The following ZNF385B variants were observed in gnomAD, a reference collection of about 807,000 sequenced individuals.
ZNF385B encodes zinc finger protein 385B.
ZNF385B carries 23 observed loss-of-function variants against 39.2 expected under a neutral mutation model. The ratio of observed to expected loss-of-function variants is 0.59; its 90% CI spans 0.42 to 0.83. The LOEUF is 0.83. ZNF385B is among the 40% of genes least tolerant of loss of function. ZNF385B has a pLI of 0.00. For missense variants in ZNF385B, 552 were observed against 598.9 expected (o/e 0.92, Z 0.82); for synonymous variants, 205 against 222.6 (o/e 0.92, Z 0.70).
intron 3 of ZNF385B, among the ~76,000 whole-genome samples, chr2:179,701,649 T>A (rs892053628): frequency 3.9e-5 from 6 of 152,222 alleles, no homozygotes; most frequent in Admixed American, 1.3e-4. Context: ...CATCATTTTT[T>A]AAATATTCTA....
At chr2:179,586,797 G>A (rs1293058269) in intron 3 of ZNF385B, among the ~76,000 whole-genome samples, 1 of 152,198 alleles carries the variant, frequency 6.6e-6, no homozygotes, top group African/African-American at 2.4e-5. Context: ...CCAGCACTCT[G>A]GGAGGCCGAG....
chr2:179,446,428 C>A, intron 7 of ZNF385B, 97 bp downstream of exon 7: 1 of 1,471,398 alleles, frequency 6.8e-7, no homozygotes, highest in Non-Finnish European at 9.1e-7. Context: ...AAGCATGGAA[C>A]AAACCTAAGG....
chr2:179,501,132 C>T (rs1337531927), intron 5 of ZNF385B, among the ~76,000 whole-genome samples: 2 of 152,114 alleles, frequency 1.3e-5, no homozygotes, highest in Non-Finnish European at 2.9e-5. Context: ...CCCTTGTGCA[C>T]TATTGGTGGG....
intron 5 of ZNF385B, among the ~76,000 whole-genome samples, chr2:179,511,613 A>C (rs907118721): frequency 2.0e-5 from 3 of 152,192 alleles, no homozygotes; most frequent in Non-Finnish European, 4.4e-5. Context: ...CAGTTTCTGA[A>C]ATCTTATAGA....
chr2:179,810,444 T>C (rs1402537529), intron 1 of ZNF385B, among the ~76,000 whole-genome samples: 2 of 152,092 alleles, frequency 1.3e-5, no homozygotes, highest in East Asian at 3.9e-4. Context: ...ATTTTTTTAG[T>C]ATGTGTTTAT....
At chr2:179,505,734 C>T (rs1010687989) in intron 5 of ZNF385B, among the ~76,000 whole-genome samples, 2 of 152,020 alleles carry the variant, frequency 1.3e-5, no homozygotes, top group Non-Finnish European at 1.5e-5. Context: ...TCCTATTAAT[C>T]GAATAACAAA....
At chr2:179,855,865 T>A (rs930434566) in intron 1 of ZNF385B, among the ~76,000 whole-genome samples, 1 of 152,186 alleles carries the variant, frequency 6.6e-6, no homozygotes, top group Non-Finnish European at 1.5e-5. Context: ...AGTCAGCCCA[T>A]TTCACAGATG....
At chr2:179,517,991 G>T (rs1358287617) in intron 5 of ZNF385B, among the ~76,000 whole-genome samples, 1 of 152,022 alleles carries the variant, frequency 6.6e-6, no homozygotes, top group Non-Finnish European at 1.5e-5. Context: ...CATGAAATGT[G>T]GCAATTGATA....
intron 6 of ZNF385B, among the ~76,000 whole-genome samples, chr2:179,464,052 G>A (rs182437003): frequency 2.0e-4 from 31 of 152,228 alleles, no homozygotes; most frequent in African/African-American, 5.8e-4. Context: ...TCTAACTGGC[G>A]TGAGATGGTA....
chr2:179,466,564 T>C (rs925618492), intron 6 of ZNF385B, among the ~76,000 whole-genome samples: 5 of 152,122 alleles, frequency 3.3e-5, no homozygotes, highest in Admixed American at 6.6e-5. Flanking sequence ...TTAAATTATA[T>C]TATACAATAT....
chr2:179,445,642 G>GCCTTACTGC lies in ZNF385B; in HGVS notation c.1047_1048insGCAGTAAGG (p.Met349_Gln350insAlaValArg). 1 of 1,613,950 alleles carries GCCTTACTGC rather than the reference G, an allele frequency of 6.2e-7. No individual in the cohort carries two copies. The highest frequency in any genetic ancestry group is 8.5e-7 in the Non-Finnish European group (1 of 1,179,922). On this transcript the variant is annotated inframe_insertion, in exon 8 of 10. Coordinates refer to ENST00000410066, the MANE Select transcript of ZNF385B (RefSeq NM_152520.6). ...AGTCCTGACCCCTTACTGCCATTCT[G>GCCTTACTGC]CATCTTTAATCTTGATCCAGGTCTA...
chr2:179,582,494 A>G (rs1003368410), intron 3 of ZNF385B, among the ~76,000 whole-genome samples: 5 of 152,154 alleles, frequency 3.3e-5, no homozygotes, highest in East Asian at 3.9e-4. Flanking sequence ...TAACTCAGAA[A>G]CAGATCAGAT....
At chr2:179,767,716 G>A (rs1211090875) in intron 3 of ZNF385B, among the ~76,000 whole-genome samples, 13 of 152,098 alleles carry the variant, frequency 8.5e-5, no homozygotes, top group Admixed American at 6.5e-4. Flanking sequence ...GGTATATTCC[G>A]CTTTAGTTCC....
At chr2:179,696,364 T>G (rs1698762341) in intron 3 of ZNF385B, among the ~76,000 whole-genome samples, 1 of 118,858 alleles carries the variant, frequency 8.4e-6, no homozygotes, top group Non-Finnish European at 1.7e-5. Flanking sequence ...CCTAGGCAAA[T>G]TTGGATGCAT....
rs552889044 is a variant in ZNF385B, at chr2:179,544,624, A to G, written c.441+203T>C. 4.6e-5 allele frequency among the ~76,000 whole-genome samples: 7 copies of G among 152,344 alleles called. No individual in the cohort carries two copies. In the South Asian group the frequency reaches 1.0e-3, roughly 23 times the overall value. Reference sequence around the variant, plus strand: ...TTTTCAGAAAATATTTTCTGTGGAAATATTTGTATAATAAACATACTGGCT... The same window carrying G: ...TTTTCAGAAAATATTTTCTGTGGAAGTATTTGTATAATAAACATACTGGCT... On this transcript the variant is annotated intron_variant, in intron 4 of 9. Transcript: ENST00000410066.
At chr2:179,564,455 A>G (rs918908970) in intron 3 of ZNF385B, among the ~76,000 whole-genome samples, 2 of 152,314 alleles carry the variant, frequency 1.3e-5, no homozygotes, top group South Asian at 2.1e-4. Flanking sequence ...CGCCCTCTCT[A>G]TAAGACCTTA....
intron 1 of ZNF385B, among the ~76,000 whole-genome samples, chr2:179,856,363 G>A (rs960610053): frequency 1.3e-5 from 2 of 152,000 alleles, no homozygotes; most frequent in African/African-American, 2.4e-5. Context: ...TCTGCCCCAC[G>A]TGCAGATCCC....
In ZNF385B at chr2:179,518,541, C is replaced by T. The variant is rs146036736; in HGVS notation, c.539G>A (p.Arg180His). ...QVISCNVCQL[R>H]FNSDSQAEAH... ...GGTGATACTCACATCTGAGTTAAAG[C>T]GAAGCTGACAGACATTACAAGAAAT... Residue 180 changes from arginine (R) to histidine (H), a missense_variant, in exon 5 of 10, where the codon CGC (arginine) becomes CAC (histidine). Arg to His is a conservative substitution (Grantham distance 29, BLOSUM62 0). Transcript: ENST00000410066. 2.7e-5 allele frequency: 44 copies of T among 1,601,458 alleles called. No homozygotes were observed. Among genetic ancestry groups the T allele is most frequent in the South Asian group, 3.4e-5 (3 of 89,052 alleles).
At chr2:179,780,163 C>T (rs889581743) in intron 1 of ZNF385B, among the ~76,000 whole-genome samples, 2 of 152,092 alleles carry the variant, frequency 1.3e-5, no homozygotes, top group East Asian at 1.9e-4. Context: ...TACTAGGCAG[C>T]CACCAACAGA....
Sources: allele counts gnomAD v4.1 joint callset (sites outside exome capture counted in the v4.1 genomes callset), GRCh38; gene constraint gnomAD v4.1.1; transcripts MANE v1.5; gene names NCBI Gene and HGNC (gene_info 2026-07-23, HGNC 2026-07-21).